The following COL22A1 variants were observed in gnomAD, a reference collection of about 807,000 sequenced individuals.
The protein encoded by COL22A1 is collagen type XXII alpha 1 chain.
Under a neutral mutation model 248.9 loss-of-function variants are expected in COL22A1, and 221 were observed. The ratio of observed to expected loss-of-function variants is 0.89; its 90% CI spans 0.80 to 0.99. The LOEUF is 0.99. Ranked by LOEUF, COL22A1 falls within the 50% of genes least tolerant of loss-of-function variation. COL22A1 has a pLI of 0.00. For missense variants in COL22A1, 2,240 were observed against 2,179.0 expected (o/e 1.03, Z -0.56); for synonymous variants, 891 against 793.4 (o/e 1.12, Z -2.07).
intron 3 of COL22A1, among the ~76,000 whole-genome samples, chr8:138,844,846 A>G (rs573040956): frequency 4.7e-4 from 71 of 149,736 alleles, no homozygotes; most frequent in African/African-American, 1.6e-3. Flanking sequence ...GCTACTCGGG[A>G]GGCTGAGGCA....
At chr8:138,601,112 C>A (rs1205030206) in intron 60 of COL22A1, among the ~76,000 whole-genome samples, 3 of 151,730 alleles carry the variant, frequency 2.0e-5, no homozygotes, top group Admixed American at 2.0e-4. Context: ...TGGCTCTCAA[C>A]CGAAATTCAA....
At chr8:138,741,084 T>C (rs563706238) in intron 22 of COL22A1, among the ~76,000 whole-genome samples, 1 of 152,318 alleles carries the variant, frequency 6.6e-6, no homozygotes, top group South Asian at 2.1e-4. Context: ...AGAGCCCAAA[T>C]GGACTGCTTA....
At position 138,826,720 on chromosome 8, in the gene COL22A1, T is replaced by C. The variant is rs1489657309; in HGVS notation, c.907A>G (p.Lys303Glu). 1 of 1,613,890 alleles carries C rather than the reference T, an allele frequency of 6.2e-7. No homozygotes were observed. Among genetic ancestry groups the C allele is most frequent in the Non-Finnish European group, 8.5e-7 (1 of 1,179,944 alleles). ...YAFVTTFRFR[K>E]TSRKEDWYIW... ...TACCAGTCTTCCTTCCGAGAGGTTTTCCTGAACCGGAAGGTTGTGACAAAG... is the reference window on the plus strand; with the variant it reads ...TACCAGTCTTCCTTCCGAGAGGTTTCCCTGAACCGGAAGGTTGTGACAAAG... The change falls in exon 6 of 65, where the codon AAA becomes GAA. Residue 303 changes from lysine (K) to glutamate (E), a missense_variant. Physicochemically the swap from Lys to Glu is moderately conservative, Grantham distance 56. Coordinates refer to ENST00000303045, the MANE Select transcript of COL22A1 (RefSeq NM_152888.3).
intron 56 of COL22A1, among the ~76,000 whole-genome samples, chr8:138,609,664 T>C (rs1457407638): frequency 6.6e-6 from 1 of 152,198 alleles, no homozygotes; most frequent in Admixed American, 6.5e-5. Context: ...CTTATCCCTA[T>C]GGAAATTCTA....
chr8:138,851,929 G>A (rs1390436466), intron 3 of COL22A1, among the ~76,000 whole-genome samples: 1 of 152,156 alleles, frequency 6.6e-6, no homozygotes, highest in East Asian at 1.9e-4. Flanking sequence ...GCAGGTGGGG[G>A]CAGTAGTAGG....
chr8:138,720,796 G>A lies in COL22A1; in HGVS notation c.2302-4C>T, dbSNP rs199513360. 1.9e-5 allele frequency: 30 copies of A among 1,612,496 alleles called. No individual in the cohort carries two copies. In the Admixed American group the frequency reaches 2.0e-4, roughly 11 times the overall value. On this transcript the variant is annotated splice_region_variant and splice_polypyrimidine_tract_variant and intron_variant, in intron 26 of 64. Coordinates refer to ENST00000303045, the MANE Select transcript of COL22A1 (RefSeq NM_152888.3). The stretch of plus-strand genomic sequence containing the variant: ...CCCCTCTTTCTCCTGGTTCTCCCTG[G>A]AAGGAATACAGAGCAAAGTTAACAG...
intron 55 of COL22A1, among the ~76,000 whole-genome samples, chr8:138,615,203 T>C (rs1819212159): frequency 6.6e-6 from 1 of 152,180 alleles, no homozygotes; most frequent in Non-Finnish European, 1.5e-5. Flanking sequence ...TCTCTGGATC[T>C]CAAATTTTTC....
chr8:138,753,158 C>T (rs1390875515), intron 21 of COL22A1, among the ~76,000 whole-genome samples: 1 of 152,192 alleles, frequency 6.6e-6, no homozygotes, highest in Non-Finnish European at 1.5e-5. Flanking sequence ...TTCCATGACC[C>T]TATTTCTGTA....
At chr8:138,622,844 A>T (rs1819916967) in intron 52 of COL22A1, among the ~76,000 whole-genome samples, 3 of 152,092 alleles carry the variant, frequency 2.0e-5, no homozygotes, top group Non-Finnish European at 2.9e-5. Context: ...TGGACAGCTC[A>T]TCATTTAACT....
At chr8:138,731,470 T>C (rs1586596256) in intron 23 of COL22A1, among the ~76,000 whole-genome samples, 2 of 151,958 alleles carry the variant, frequency 1.3e-5, no homozygotes, top group South Asian at 4.2e-4. Context: ...CAGGGGCAGG[T>C]CTGAGCCAGA....
At chr8:138,852,781 G>C (rs4520197) in intron 3 of COL22A1, among the ~76,000 whole-genome samples, 8,051 of 152,142 alleles carry the variant, frequency 0.053, 251 homozygotes, top group African/African-American at 0.078. Context: ...GAGGTCCGCA[G>C]TGTATGTGGA....
At chr8:138,772,439 C>T (rs1834452422) in intron 16 of COL22A1, among the ~76,000 whole-genome samples, 1 of 152,148 alleles carries the variant, frequency 6.6e-6, no homozygotes, top group Non-Finnish European at 1.5e-5. Flanking sequence ...GGCTCTGGGA[C>T]AGGTCCAGGG....
intron 1 of COL22A1, among the ~76,000 whole-genome samples, chr8:138,911,919 A>G (rs1815479419): frequency 6.6e-6 from 1 of 152,164 alleles, no homozygotes; most frequent in Non-Finnish European, 1.5e-5. Flanking sequence ...GTCTAATAAG[A>G]CAGGCCCAAC....
intron 24 of COL22A1, 139 bp from the exon 25 acceptor site, chr8:138,724,807 G>T (rs911032427): frequency 7.0e-5 from 52 of 743,102 alleles, no homozygotes; most frequent in Non-Finnish European, 1.1e-4. Flanking sequence ...TTGGTCATCC[G>T]CTGTGAAACG....
Position 138,835,399 on chromosome 8 carries a change from G to C in COL22A1, c.734-2249C>G, listed in dbSNP as rs947866430. 4.6e-5 allele frequency among the ~76,000 whole-genome samples: 7 copies of C among 152,326 alleles called. No individual in the cohort carries two copies. The East Asian group carries it at 9.6e-4, about 21-fold the overall frequency. ...TACACACACTAGTGTGAGTGATTCA[G>C]CATCTCTGGAGACGGTTGGTTTGTG... is the stretch of plus-strand genomic sequence containing the variant. On this transcript the variant is annotated intron_variant, in intron 4 of 64. Coordinates refer to ENST00000303045, the MANE Select transcript of COL22A1 (RefSeq NM_152888.3).
At chr8:138,870,025 C>T (rs962854186) in intron 3 of COL22A1, among the ~76,000 whole-genome samples, 5 of 151,382 alleles carry the variant, frequency 3.3e-5, no homozygotes, top group East Asian at 2.0e-4. Flanking sequence ...GAGGGTGGCA[C>T]GTGAGGCCAT....
chr8:138,809,567 C>T (rs1373740634), intron 9 of COL22A1, among the ~76,000 whole-genome samples: 1 of 130,948 alleles, frequency 7.6e-6, no homozygotes, highest in South Asian at 2.6e-4. Flanking sequence ...ATTGCCCAGG[C>T]TGGAGTGCAA....
chr8:138,676,257 G>A (rs547842781), intron 41 of COL22A1, among the ~76,000 whole-genome samples: 13 of 150,852 alleles, frequency 8.6e-5, no homozygotes, highest in Admixed American at 4.0e-4. Flanking sequence ...TTAGCCAGGC[G>A]TGGTGGCAGG....
chr8:138,847,280 T>G (rs975065566), intron 3 of COL22A1, among the ~76,000 whole-genome samples: 1 of 152,212 alleles, frequency 6.6e-6, no homozygotes, highest in Admixed American at 6.5e-5. Context: ...AAACACTGAC[T>G]GGTGGAATGG....
Sources: gnomAD v4.1 joint callset for allele counts (sites outside exome capture counted in the v4.1 genomes callset) on GRCh38, gnomAD v4.1.1 for gene constraint, MANE v1.5 for transcripts, NCBI Gene and HGNC (gene_info 2026-07-23, HGNC 2026-07-21) for gene names.